The following CCDC170 variants were observed in gnomAD, a reference collection of about 807,000 sequenced individuals.
CCDC170 encodes the protein coiled-coil domain containing 170.
CCDC170 carries 69 observed loss-of-function variants against 72.6 expected under a neutral mutation model. That is an observed-to-expected ratio of 0.95 (90% CI 0.78 to 1.16). The LOEUF (loss-of-function observed/expected upper bound fraction) is 1.16, where lower values mean the gene tolerates loss of function less well. Among genes scored for constraint, CCDC170 ranks in the 50% most tolerant of loss-of-function variants. CCDC170 has a pLI of 0.00. For missense variants in CCDC170, 852 were observed against 832.5 expected, an observed-to-expected ratio of 1.02 and a Z score of -0.29; for synonymous variants, 300 against 303.9, an observed-to-expected ratio of 0.99 and a Z score of 0.13.
At chr6:151,550,614 C>T (rs944149149) in intron 5 of CCDC170, among the ~76,000 whole-genome samples, 4 of 152,156 alleles carry the variant, frequency 2.6e-5, no homozygotes, top group African/African-American at 9.7e-5. Flanking sequence ...TCAGCTTGGG[C>T]TGCCATAATA....
chr6:151,540,143 G>A (rs1206427696), intron 3 of CCDC170, among the ~76,000 whole-genome samples: 1 of 152,062 alleles, frequency 6.6e-6, no homozygotes, highest in Non-Finnish European at 1.5e-5. Context: ...CATATACTGG[G>A]TGGCTTAAAT....
rs188240531 is a variant in CCDC170, at chr6:151,566,075, A to G, written c.775-7099A>G. On this transcript the variant is annotated intron_variant, in intron 5 of 10. Transcript: ENST00000239374. ...TCTTGGGCAGCTAAATCTGTTGTCA[A>G]CTAGTACTGATTTTGTCAATGTTGA... is the stretch of plus-strand genomic sequence containing the variant. Among the ~76,000 whole-genome samples, 6 of 152,316 alleles carry G rather than the reference A, an allele frequency of 3.9e-5. No individual in the cohort carries two copies. In the East Asian group the frequency reaches 7.7e-4, roughly 20 times the overall value.
At chr6:151,565,977 G>A (rs751523829) in intron 5 of CCDC170, among the ~76,000 whole-genome samples, 2 of 152,186 alleles carry the variant, frequency 1.3e-5, no homozygotes, top group African/African-American at 4.8e-5. Context: ...GTCGGTGGTT[G>A]TCCAAGCACA....
rs374966547 is a variant in CCDC170 at position 151,544,689 on chromosome 6, G to A, written c.561G>A (p.Lys187=). 1.9e-5 allele frequency: 30 copies of A among 1,611,896 alleles called. No homozygotes were observed. Among genetic ancestry groups the A allele is most frequent in the Non-Finnish European group, 2.4e-5 (28 of 1,178,392 alleles). The change falls in exon 4 of 11, where the codon AAG becomes AAA. Residue 187 remains lysine (K), a synonymous_variant. Coordinates refer to ENST00000239374, the MANE Select transcript of CCDC170 (RefSeq NM_025059.4). ...TGGATCCAGATGAGAGGAATGACAA[G>A]GCATCAGATGAAGATTTAATTTTAA... ...DCLDPDERND[K]ASDEDLILKL... is the part of the protein sequence containing the mutation.
chr6:151,544,449 G>A lies in CCDC170; in HGVS notation c.444-123G>A, dbSNP rs564545953. 4.1e-5 allele frequency: 40 copies of A among 979,540 alleles called. 1 individual carries two copies. The South Asian group carries it at 7.3e-4, about 18-fold the overall frequency. The allele number at this position is 979,540 out of a possible 1,614,324, so 60.7% of individuals were successfully genotyped here. A position where few individuals can be genotyped will look rare whatever the true frequency, so the allele number is the denominator to read the frequency against. ...TGTGACAATAATTTGCTCTGTGTCT[G>A]GGAAACTGTGTTGTGTTGAAAATGA... On this transcript the variant is annotated intron_variant, in intron 3 of 10. Transcript: ENST00000239374.
rs185047664 is a variant in CCDC170, at chr6:151,564,783, A to G, written c.775-8391A>G. Reference sequence around the variant, plus strand: ...AAGTCCCCAGATGGTGTTTTCATGCACTGCGGTGGGGGTAGGGGCAGAGCA... The same window carrying G: ...AAGTCCCCAGATGGTGTTTTCATGCGCTGCGGTGGGGGTAGGGGCAGAGCA... On this transcript the variant is annotated intron_variant, in intron 5 of 10. Coordinates refer to ENST00000239374, the MANE Select transcript of CCDC170 (RefSeq NM_025059.4). Among the ~76,000 whole-genome samples the G allele has an allele frequency of 8.5e-5, 13 of 152,118 alleles. No homozygotes were observed. The East Asian group carries it at 1.2e-3, about 14-fold the overall frequency.
chr6:151,591,603 T>C (rs1250327808), intron 7 of CCDC170, among the ~76,000 whole-genome samples: 2 of 152,020 alleles, frequency 1.3e-5, no homozygotes, highest in African/African-American at 4.8e-5. Context: ...CACACCATTC[T>C]CCTGCCTCAG....
At chr6:151,588,777 C>CA (rs766325635) in intron 7 of CCDC170, among the ~76,000 whole-genome samples, 4 of 151,888 alleles carry the variant, frequency 2.6e-5, no homozygotes, top group Non-Finnish European at 5.9e-5. Context: ...CCCATCTCTA[C>CA]AAAAAACACA....
chr6:151,516,795 A>T (rs1782242310), intron 1 of CCDC170, among the ~76,000 whole-genome samples: 1 of 152,178 alleles, frequency 6.6e-6, no homozygotes, highest in South Asian at 2.1e-4. Flanking sequence ...ATGTTTACCT[A>T]GTGCGTGGGG....
intron 9 of CCDC170, among the ~76,000 whole-genome samples, chr6:151,602,901 A>G (rs538853985): frequency 6.6e-6 from 1 of 151,996 alleles, no homozygotes; most frequent in South Asian, 2.1e-4. Context: ...CCCAGGTTCA[A>G]GCGATTCTCC....
intron 1 of CCDC170, among the ~76,000 whole-genome samples, chr6:151,499,171 G>T (rs111574714): frequency 1.6e-4 from 20 of 123,022 alleles, no homozygotes; most frequent in African/African-American, 4.4e-4. Flanking sequence ...AGTGGAATCA[G>T]ACTGTATTTG....
At chr6:151,576,883 G>T (rs1316185145) in intron 6 of CCDC170, among the ~76,000 whole-genome samples, 2 of 152,280 alleles carry the variant, frequency 1.3e-5, no homozygotes, top group Admixed American at 1.3e-4. Context: ...CTGATGTGAA[G>T]GCTCCACGGC....
intron 8 of CCDC170, among the ~76,000 whole-genome samples, chr6:151,595,005 A>G (rs1288585080): frequency 6.6e-6 from 1 of 152,200 alleles, no homozygotes; most frequent in African/African-American, 2.4e-5. Flanking sequence ...TTAGATAAAT[A>G]TTAAAAAGGT....
chr6:151,516,937 G>A (rs556385455), intron 1 of CCDC170, among the ~76,000 whole-genome samples: 17 of 152,336 alleles, frequency 1.1e-4, no homozygotes, highest in African/African-American at 3.8e-4. Flanking sequence ...GTCCCAGGAA[G>A]CCTTTTCCTT....
At chr6:151,595,134 A>G (rs1158859369) in intron 8 of CCDC170, among the ~76,000 whole-genome samples, 3 of 152,200 alleles carry the variant, frequency 2.0e-5, no homozygotes, top group African/African-American at 7.2e-5. Flanking sequence ...GTAGATAATT[A>G]GGGGAACTTT....
In CCDC170 at chr6:151,544,645, A is replaced by T. The variant is rs1158009127; in HGVS notation, c.517A>T (p.Thr173Ser). ...TTGCAGGAAACATGAGGAATTTCTG[A>T]CTCAACTGCGTGACTGCTTGGATCC... ...KNCRKHEEFL[T>S]QLRDCLDPDE... is the part of the protein sequence containing the mutation. Residue 173 changes from threonine (T) to serine (S), a missense_variant, in exon 4 of 11, where the codon ACT becomes TCT. By Grantham distance (58) the Thr-to-Ser change is moderately conservative (BLOSUM62 1). Coordinates refer to ENST00000239374, the MANE Select transcript of CCDC170 (RefSeq NM_025059.4). 2 of 1,613,698 alleles carry T rather than the reference A, an allele frequency of 1.2e-6. No homozygotes were observed. The highest frequency in any genetic ancestry group is 2.2e-5 in the South Asian group (2 of 91,034).
intron 1 of CCDC170, among the ~76,000 whole-genome samples, chr6:151,532,565 T>G (rs1326805606): frequency 6.7e-6 from 1 of 149,772 alleles, no homozygotes; most frequent in East Asian, 2.0e-4. Flanking sequence ...CGAAATTACG[T>G]CACTGCACTC....
chr6:151,614,644 T>G (rs74987509), intron 9 of CCDC170, among the ~76,000 whole-genome samples: 2,283 of 151,544 alleles, frequency 0.015, 32 homozygotes, highest in Non-Finnish European at 0.023. Context: ...TTTTTTTTTT[T>G]TTGTTAGTAG....
intron 5 of CCDC170, among the ~76,000 whole-genome samples, chr6:151,563,313 A>C (rs1776076137): frequency 6.6e-6 from 1 of 152,138 alleles, no homozygotes; most frequent in Non-Finnish European, 1.5e-5. Flanking sequence ...TGGGGTGGAG[A>C]TGACCGCTCT....
Sources: gnomAD v4.1 joint callset for allele counts (sites outside exome capture counted in the v4.1 genomes callset) on GRCh38, gnomAD v4.1.1 for gene constraint, MANE v1.5 for transcripts, NCBI Gene and HGNC (gene_info 2026-07-23, HGNC 2026-07-21) for gene names.